Variants in HDAC9 observed in about 807,000 individuals in gnomAD.
The protein encoded by HDAC9 is MEF-2 interacting transcription repressor (MITR) protein.
In HDAC9, 41 loss-of-function variants were observed where a neutral mutation model predicts 139.4. The ratio of observed to expected loss-of-function variants is 0.29; its 90% CI spans 0.23 to 0.38. The LOEUF is 0.38. HDAC9 is among the 10% of genes least tolerant of loss of function. The pLI, the probability that HDAC9 is intolerant of heterozygous loss-of-function variation, is 1.00. For synonymous variants in HDAC9, 517 were observed against 476.2 expected, an observed-to-expected ratio of 1.09 and a Z score of -1.12; for missense variants, 1,147 against 1,297.0, an observed-to-expected ratio of 0.88 and a Z score of 1.78.
Position 18,671,878 on chromosome 7 carries a change from C to T in HDAC9, c.1731+5402C>T, listed in dbSNP as rs1412320054. ...TATGCAGAAGATTTTCAGGGTTCATCCACAGCATCAGTACTTCATTCCTTC... is the reference window on the plus strand; with the variant it reads ...TATGCAGAAGATTTTCAGGGTTCATTCACAGCATCAGTACTTCATTCCTTC... On this transcript the variant is annotated intron_variant, in intron 12 of 25. Coordinates refer to ENST00000686413, the MANE Select transcript of HDAC9 (RefSeq NM_178425.4). Among the ~76,000 whole-genome samples the T allele has an allele frequency of 2.6e-5, 4 of 152,002 alleles. No homozygotes were observed. In the East Asian group the frequency reaches 7.8e-4, roughly 29 times the overall value.
At chr7:18,525,797 T>A (rs972484215) in intron 2 of HDAC9, among the ~76,000 whole-genome samples, 17 of 152,322 alleles carry the variant, frequency 1.1e-4, no homozygotes, top group African/African-American at 4.1e-4. Context: ...TCCCTGGAAC[T>A]TAGATCCTTT....
At chr7:18,128,891 CT>C (rs1784837179) in intron 1 of HDAC9, among the ~76,000 whole-genome samples, 1 of 151,264 alleles carries the variant, frequency 6.6e-6, no homozygotes. Flanking sequence ...CATTTTTTTC[CT>C]TTTCTTCCTT....
intron 7 of HDAC9, among the ~76,000 whole-genome samples, chr7:18,632,833 T>A (rs1024675910): frequency 6.6e-6 from 1 of 151,926 alleles, no homozygotes; most frequent in Non-Finnish European, 1.5e-5. Context: ...CAGACATAGA[T>A]GGAGAGATAG....
intron 12 of HDAC9, among the ~76,000 whole-genome samples, chr7:18,714,746 T>C (rs1784581834): frequency 6.6e-6 from 1 of 152,206 alleles, no homozygotes; most frequent in South Asian, 2.1e-4. Context: ...CTTACCTCCA[T>C]TGCTCTTTTA....
intron 12 of HDAC9, among the ~76,000 whole-genome samples, chr7:18,712,849 G>T (rs1326752928): frequency 6.6e-6 from 1 of 152,140 alleles, no homozygotes; most frequent in Non-Finnish European, 1.5e-5. Context: ...TCAAGGAGAT[G>T]AAATAACTTT....
intron 1 of HDAC9, among the ~76,000 whole-genome samples, chr7:18,470,724 T>C (rs560708341): frequency 6.6e-6 from 1 of 152,124 alleles, no homozygotes; most frequent in Non-Finnish European, 1.5e-5. Context: ...TTTAGAAGAA[T>C]AGGCGGAAGG....
intron 2 of HDAC9, among the ~76,000 whole-genome samples, chr7:18,219,260 T>TA (rs1299957887): frequency 2.0e-5 from 3 of 152,158 alleles, no homozygotes; most frequent in African/African-American, 7.2e-5. Context: ...TAGTTCTCTT[T>TA]AAAAAAATTA....
At chr7:18,230,991 A>G (rs1301048269) in intron 2 of HDAC9, among the ~76,000 whole-genome samples, 1 of 152,218 alleles carries the variant, frequency 6.6e-6, no homozygotes, top group Admixed American at 6.5e-5. Flanking sequence ...AGCTCAGGCA[A>G]CTAAGGTTAA....
chr7:18,282,302 T>C (rs2128220497), intron 2 of HDAC9, among the ~76,000 whole-genome samples: 1 of 152,286 alleles, frequency 6.6e-6, no homozygotes, highest in African/African-American at 2.4e-5. Context: ...ATAAATCCCG[T>C]TTTGTAAATG....
At chr7:18,407,184 G>A (rs10486295) in intron 1 of HDAC9, among the ~76,000 whole-genome samples, 9,381 of 152,050 alleles carry the variant, frequency 0.062, 610 homozygotes, top group East Asian at 0.18. Flanking sequence ...CTGTTGGAGA[G>A]GATTCCACTT....
chr7:18,121,219 T>G (rs1414688191), intron 1 of HDAC9, among the ~76,000 whole-genome samples: 1 of 152,178 alleles, frequency 6.6e-6, no homozygotes, highest in Non-Finnish European at 1.5e-5. Flanking sequence ...TTGGCAAGAC[T>G]CCCTCCTCTA....
intron 1 of HDAC9, among the ~76,000 whole-genome samples, chr7:18,486,554 C>A (rs1046955524): frequency 1.4e-4 from 21 of 151,870 alleles, no homozygotes; most frequent in Admixed American, 1.4e-3. Flanking sequence ...CCAGTATGGC[C>A]GTTAGACAGA....
At chr7:18,745,883 CTTTTTTTTTTTT>C (rs752292349) in intron 13 of HDAC9, among the ~76,000 whole-genome samples, 1 of 99,486 alleles carries the variant, frequency 1.0e-5, no homozygotes, top group Non-Finnish European at 1.9e-5. Context: ...TCTTCTTCTT[CTTTTTTTTTTTT>C]TTTTTTTTTT....
chr7:18,419,300 G>A (rs1487955860), intron 1 of HDAC9, among the ~76,000 whole-genome samples: 4 of 152,098 alleles, frequency 2.6e-5, no homozygotes, highest in Non-Finnish European at 5.9e-5. Flanking sequence ...GATGTATTAA[G>A]TGTATCATTC....
At chr7:18,120,701 AAGC>A (rs1209345506) in intron 1 of HDAC9, among the ~76,000 whole-genome samples, 1 of 152,242 alleles carries the variant, frequency 6.6e-6, no homozygotes, top group African/African-American at 2.4e-5. Flanking sequence ...CTGTAGTCAT[AAGC>A]AGTGTGGGTG....
intron 22 of HDAC9, among the ~76,000 whole-genome samples, chr7:18,898,294 C>T (rs145610154): frequency 0.01 from 1,563 of 151,812 alleles, 35 homozygotes; most frequent in African/African-American, 0.035. Context: ...ATCAGATTAC[C>T]TGGTTGAGTA....
Position 18,953,149 on chromosome 7 carries a change from G to A in HDAC9, c.2938-997G>A, listed in dbSNP as rs114400110. On this transcript the variant is annotated intron_variant, in intron 23 of 25. Coordinates refer to ENST00000686413, the MANE Select transcript of HDAC9 (RefSeq NM_178425.4). ...CATAGATGAGTTCATGCTTTGATGC[G>A]TCTAGTGACATCGCTTCCCATTCGT... Among the ~76,000 whole-genome samples the A allele has an allele frequency of 8.0e-3, 1,216 of 152,066 alleles. 15 individuals carry two copies. The highest frequency in any genetic ancestry group is 0.028 in the African/African-American group (1,141 of 41,488).
At chr7:18,995,972 T>C in intron 25 of HDAC9, 51 bp from the exon 26 acceptor site, 1 of 1,409,666 alleles carries the variant, frequency 7.1e-7, no homozygotes, top group Non-Finnish European at 9.8e-7. Context: ...AAATCTACAA[T>C]GTCATTGTGT....
intron 1 of HDAC9, among the ~76,000 whole-genome samples, chr7:18,434,068 C>A (rs1318635557): frequency 6.6e-6 from 1 of 152,176 alleles, no homozygotes; most frequent in Non-Finnish European, 1.5e-5. Flanking sequence ...AAAACAGACA[C>A]ATAGACCAAC....
Sources: allele counts gnomAD v4.1 joint callset (sites outside exome capture counted in the v4.1 genomes callset), GRCh38; gene constraint gnomAD v4.1.1; transcripts MANE v1.5; gene names NCBI Gene and HGNC (gene_info 2026-07-23, HGNC 2026-07-21).